The following CACNA2D3 variants were observed in gnomAD, a reference collection of about 807,000 sequenced individuals.
CACNA2D3 encodes voltage-dependent calcium channel subunit alpha-2/delta-3.
In CACNA2D3, 60 loss-of-function variants were observed where a neutral mutation model predicts 160.6. The observed-to-expected ratio is 0.37, with a 90% CI of 0.30 to 0.46. The LOEUF is 0.46. CACNA2D3 is among the 20% of genes least tolerant of loss of function. CACNA2D3 has a pLI of 1.00. For synonymous variants in CACNA2D3, 558 were observed against 492.9 expected, an observed-to-expected ratio of 1.13 and a Z score of -1.75; for missense variants, 1,205 against 1,365.0, an observed-to-expected ratio of 0.88 and a Z score of 1.85.
intron 13 of CACNA2D3, among the ~76,000 whole-genome samples, chr3:54,792,071 TTTG>T (rs1276382577): frequency 1.3e-5 from 2 of 152,192 alleles, no homozygotes; most frequent in Non-Finnish European, 2.9e-5. Flanking sequence ...ATTATTATCT[TTTG>T]TTTACTGGTT....
At chr3:54,554,129 G>A (rs1432847109) in intron 5 of CACNA2D3, among the ~76,000 whole-genome samples, 1 of 152,078 alleles carries the variant, frequency 6.6e-6, no homozygotes, top group African/African-American at 2.4e-5. Flanking sequence ...GCATTTGGGA[G>A]CTGGTGCCAT....
intron 9 of CACNA2D3, among the ~76,000 whole-genome samples, chr3:54,617,815 G>A (rs1439931641): frequency 6.6e-6 from 1 of 152,090 alleles, no homozygotes; most frequent in Non-Finnish European, 1.5e-5. Context: ...AGAGCCAGGA[G>A]ATACAATAGA....
intron 5 of CACNA2D3, among the ~76,000 whole-genome samples, chr3:54,561,009 G>T (rs1433697435): frequency 6.6e-6 from 1 of 152,224 alleles, no homozygotes; most frequent in African/African-American, 2.4e-5. Flanking sequence ...GTCAGATACT[G>T]TGATGCCTCT....
intron 11 of CACNA2D3, among the ~76,000 whole-genome samples, chr3:54,664,460 A>G (rs1575412897): frequency 6.6e-6 from 1 of 152,172 alleles, no homozygotes; most frequent in Non-Finnish European, 1.5e-5. Context: ...CAGCAGCTGG[A>G]TTGCTTACTC....
At chr3:54,397,474 A>T (rs1306993650) in intron 4 of CACNA2D3, among the ~76,000 whole-genome samples, 9 of 110,052 alleles carry the variant, frequency 8.2e-5, no homozygotes, top group African/African-American at 2.9e-4. Context: ...ATTTCCCTCT[A>T]CACACTGCTT....
intron 12 of CACNA2D3, among the ~76,000 whole-genome samples, chr3:54,759,561 G>T (rs1375268335): frequency 6.7e-6 from 1 of 150,334 alleles, no homozygotes; most frequent in Non-Finnish European, 1.5e-5. Flanking sequence ...AGCATACATT[G>T]TTATTGTCAA....
At chr3:54,520,718 T>C (rs376518683) in intron 5 of CACNA2D3, among the ~76,000 whole-genome samples, 22 of 152,174 alleles carry the variant, frequency 1.4e-4, no homozygotes, top group East Asian at 3.9e-4. Context: ...TTTTAGAGCA[T>C]TTTCATCACC....
chr3:54,633,136 C>T (rs1159122251), intron 10 of CACNA2D3, among the ~76,000 whole-genome samples: 1 of 152,128 alleles, frequency 6.6e-6, no homozygotes. Context: ...GACCCTGAAA[C>T]CCTAAAAGGG....
At chr3:54,267,881 A>C (rs1702549874) in intron 2 of CACNA2D3, among the ~76,000 whole-genome samples, 1 of 152,114 alleles carries the variant, frequency 6.6e-6, no homozygotes, top group South Asian at 2.1e-4. Flanking sequence ...CCATATAATG[A>C]TTTTGGGGCT....
At chr3:54,329,927 C>T (rs1704207381) in intron 3 of CACNA2D3, among the ~76,000 whole-genome samples, 2 of 152,130 alleles carry the variant, frequency 1.3e-5, no homozygotes, top group South Asian at 4.2e-4. Flanking sequence ...AGGTGAGGAG[C>T]AGCTGGTCCT....
At chr3:54,158,556 A>G (rs1040847042) in intron 2 of CACNA2D3, among the ~76,000 whole-genome samples, 4 of 152,172 alleles carry the variant, frequency 2.6e-5, no homozygotes, top group Non-Finnish European at 5.9e-5. Flanking sequence ...AGTACTGTAG[A>G]TACTGAACTG....
At chr3:54,163,540 A>G (rs1700390125) in intron 2 of CACNA2D3, among the ~76,000 whole-genome samples, 2 of 152,202 alleles carry the variant, frequency 1.3e-5, no homozygotes, top group Admixed American at 1.3e-4. Flanking sequence ...CTCGCGTTTC[A>G]TTAGTGAAAA....
chr3:54,491,437 C>G (rs1026889201), intron 4 of CACNA2D3, among the ~76,000 whole-genome samples: 1 of 152,240 alleles, frequency 6.6e-6, no homozygotes, highest in African/African-American at 2.4e-5. Flanking sequence ...CATGGTGTCT[C>G]AGCCTGGGCT....
At chr3:54,715,278 A>T (rs963137085) in intron 11 of CACNA2D3, among the ~76,000 whole-genome samples, 1 of 152,182 alleles carries the variant, frequency 6.6e-6, no homozygotes, top group Non-Finnish European at 1.5e-5. Flanking sequence ...ATTACAAAGG[A>T]TACAGTTCAA....
At chr3:54,596,529 C>T (rs543398807) in intron 9 of CACNA2D3, among the ~76,000 whole-genome samples, 2 of 152,232 alleles carry the variant, frequency 1.3e-5, no homozygotes, top group East Asian at 3.9e-4. Flanking sequence ...AAAAGCACTG[C>T]CCTTCACTGT....
At chr3:54,717,693 CGT>C (rs1299816374) in intron 11 of CACNA2D3, among the ~76,000 whole-genome samples, 8 of 106,730 alleles carry the variant, frequency 7.5e-5, no homozygotes, top group South Asian at 3.2e-4. Context: ...TGTGTGCGTG[CGT>C]GTGTGTGGTG....
chr3:54,959,205 A>G (rs1701975654), intron 27 of CACNA2D3, among the ~76,000 whole-genome samples: 1 of 152,236 alleles, frequency 6.6e-6, no homozygotes, highest in African/African-American at 2.4e-5. Context: ...CAGTTGGGCC[A>G]AGCTGAGCTC....
In CACNA2D3 at chr3:54,380,575, A is replaced by G. The variant is rs79284944; in HGVS notation, c.322-6140A>G. ...AACACAGTGAAATCCTGTCTCTACT[A>G]AAAATACAAAAAATTAGCCAGGCAT... On this transcript the variant is annotated intron_variant, in intron 3 of 37. Coordinates refer to ENST00000474759, the MANE Select transcript of CACNA2D3 (RefSeq NM_018398.3). Among the ~76,000 whole-genome samples the G allele has an allele frequency of 3.6e-3, 551 of 152,236 alleles. 11 individuals are homozygous for G. The highest frequency in any genetic ancestry group is 0.023 in the East Asian group (119 of 5,170).
rs111730342 is a variant in CACNA2D3, at chr3:54,680,159, TA to T, written c.1167+37930del. 9.4e-3 allele frequency among the ~76,000 whole-genome samples: 1,353 copies of T among 143,514 alleles called. 21 individuals carry two copies. The highest frequency in any genetic ancestry group is 0.026 in the African/African-American group (1,010 of 39,470). 94.2% of individuals were successfully genotyped at this position (143,514 alleles called of 152,430 possible). A position where few individuals can be genotyped will look rare whatever the true frequency, so the allele number is the denominator to read the frequency against. On this transcript the variant is annotated intron_variant, in intron 11 of 37. Coordinates refer to ENST00000474759, the MANE Select transcript of CACNA2D3 (RefSeq NM_018398.3). ...ATAGCCTCCAGATTCATTGAGAAGC[TA>T]AAAAAAAAAAATGGTTTGCTAGGGA...
Sources: allele counts gnomAD v4.1 joint callset (sites outside exome capture counted in the v4.1 genomes callset), GRCh38; gene constraint gnomAD v4.1.1; transcripts MANE v1.5; gene names NCBI Gene and HGNC (gene_info 2026-07-23, HGNC 2026-07-21).